The following NLRP2 variants were observed in gnomAD, a reference collection of about 807,000 sequenced individuals.
The protein encoded by NLRP2 is NACHT, LRR and PYD domains-containing protein 2.
In NLRP2, 107 loss-of-function variants were observed where a neutral mutation model predicts 97.2. That is an observed-to-expected ratio of 1.10 (90% CI 0.94 to 1.29). The LOEUF (loss-of-function observed/expected upper bound fraction) is 1.29. Among genes scored for constraint, NLRP2 ranks in the 50% most tolerant of loss-of-function variants. NLRP2 has a pLI of 0.00. For synonymous variants in NLRP2, 663 were observed against 551.5 expected (o/e 1.20, Z -2.83); for missense variants, 1,495 against 1,330.3 (o/e 1.12, Z -1.93).
chr19:54,968,805 G>A (rs930123678), intron 1 of NLRP2, among the ~76,000 whole-genome samples: 11 of 147,240 alleles, frequency 7.5e-5, no homozygotes, highest in African/African-American at 2.3e-4. Flanking sequence ...AGGTTCAAGC[G>A]ATTCTCCTGC....
Position 54,990,208 on chromosome 19 carries a change from CTT to C in NLRP2, c.2537+17_2537+18del. 6.2e-7 allele frequency: 1 copy of C among 1,613,726 alleles called. No homozygotes were observed. Among genetic ancestry groups the C allele is most frequent in the Non-Finnish European group, 8.5e-7 (1 of 1,179,644 alleles). On this transcript the variant is annotated intron_variant, in intron 9 of 12. Coordinates refer to ENST00000448584, the MANE Select transcript of NLRP2 (RefSeq NM_017852.5). ...AGAGGTTGTCGTAAGTCTCTCCTCT[CTT>C]ACAGAGCAGCTGTGCTTTCGATCTG...
Position 54,977,768 on chromosome 19 carries a change from A to G in NLRP2, c.342A>G (p.Glu114=). The stretch of plus-strand genomic sequence containing the variant: ...TTTCTCCAGGGATAACACGGAAAGA[A>G]CGACCACCTCTAGACGTGGACGAAA... ...KPLSLGITRK[E]RPPLDVDEML... Residue 114 remains glutamate (E), a synonymous_variant, in exon 4 of 13, where the codon GAA becomes GAG. Coordinates refer to ENST00000448584, the MANE Select transcript of NLRP2 (RefSeq NM_017852.5). 6.2e-7 allele frequency: 1 copy of G among 1,613,812 alleles called. No individual in the cohort carries two copies. Among genetic ancestry groups the G allele is most frequent in the Non-Finnish European group, 8.5e-7 (1 of 1,180,004 alleles).
At chr19:54,970,403 C>A in intron 2 of NLRP2, 108 bp downstream of exon 2, 1 of 1,360,138 alleles carries the variant, frequency 7.4e-7, no homozygotes, top group Non-Finnish European at 1.0e-6. Flanking sequence ...GTCGTCCCAG[C>A]CCTTTGGGAG....
At chr19:54,998,586 CT>C (rs994099249) in intron 12 of NLRP2, among the ~76,000 whole-genome samples, 8 of 41,854 alleles carry the variant, frequency 1.9e-4, no homozygotes, top group Admixed American at 6.8e-4. Flanking sequence ...CAGTTTTACT[CT>C]TTTTTTTGGG....
intron 2 of NLRP2, chr19:54,973,968 C>G: frequency 9.4e-7 from 1 of 1,060,364 alleles, no homozygotes. Context: ...CAGACTAAGC[C>G]GATTTTCCGG....
chr19:54,997,531 A>G (rs775344564), intron 12 of NLRP2, 44 bp downstream of exon 12: 2 of 1,601,566 alleles, frequency 1.2e-6, no homozygotes, highest in Non-Finnish European at 8.6e-7. Context: ...CCAGAGTGGT[A>G]GGTTTAGGGG....
At chr19:54,974,968 T>G (rs115692238) in intron 3 of NLRP2, among the ~76,000 whole-genome samples, 2 of 151,886 alleles carry the variant, frequency 1.3e-5, no homozygotes, top group African/African-American at 4.8e-5. Context: ...CCCGGCTAAT[T>G]TTTTGTGGTG....
chr19:54,997,636 G>C (rs994387655), intron 12 of NLRP2, 149 bp downstream of exon 12: 9 of 854,664 alleles, frequency 1.1e-5, no homozygotes, highest in Non-Finnish European at 1.5e-5. Context: ...TATTTCACTT[G>C]GAGAAACGGG....
intron 12 of NLRP2, 136 bp from the exon 13 acceptor site, chr19:55,000,624 C>A: frequency 2.4e-6 from 2 of 821,396 alleles, no homozygotes; most frequent in Non-Finnish European, 3.9e-6. Context: ...ATGTGGAACA[C>A]TCCTTTGCCA....
chr19:54,974,635 T>G (rs749335071), intron 3 of NLRP2, 91 bp downstream of exon 3: 2 of 937,984 alleles, frequency 2.1e-6, no homozygotes, highest in Non-Finnish European at 3.5e-6. Flanking sequence ...GCACTAAGAA[T>G]GCAAAGAAAT....
At chr19:54,986,381 A>G (rs2072089620) in intron 8 of NLRP2, 66 bp downstream of exon 8, 3 of 1,483,464 alleles carry the variant, frequency 2.0e-6, no homozygotes, top group Admixed American at 1.7e-5. Context: ...TTATGTGGCA[A>G]TTTTGTGTAA....
Position 54,994,281 on chromosome 19 carries a change from C to T in NLRP2, c.2721C>T (p.Cys907=), listed in dbSNP as rs924936743. The T allele has an allele frequency of 1.1e-5, 18 of 1,613,924 alleles. No homozygotes were observed. Among genetic ancestry groups the T allele is most frequent in the Middle Eastern group, 1.6e-4 (1 of 6,062 alleles). The change falls in exon 11 of 13, where the codon TGC becomes TGT. Residue 907 remains cysteine, a synonymous_variant. Transcript: ENST00000448584. Reference sequence around the variant, plus strand: ...GGTTGATTTCTAGGCTTTGGAACTGCGACATAACTAGCGATGGCTGCTGCG... The same window carrying T: ...GGTTGATTTCTAGGCTTTGGAACTGTGACATAACTAGCGATGGCTGCTGCG... ...CKLQTLVLWN[C]DITSDGCCDL... is the part of the protein sequence containing the mutation.
chr19:54,976,142 G>A (rs551624121), intron 3 of NLRP2, among the ~76,000 whole-genome samples: 18 of 151,520 alleles, frequency 1.2e-4, no homozygotes, highest in African/African-American at 3.9e-4. Context: ...TCTGACCTCC[G>A]CCTCCCGGTT....
chr19:54,984,970 T>TATG, intron 6 of NLRP2, 77 bp from the exon 7 acceptor site: 1 of 1,394,410 alleles, frequency 7.2e-7, no homozygotes, highest in Admixed American at 1.7e-5. Flanking sequence ...GTCAGGGGTA[T>TATG]ATGCCCAGAG....
At chr19:54,989,637 A>G (rs535453949) in intron 8 of NLRP2, 37 of 344,664 alleles carry the variant, frequency 1.1e-4, no homozygotes, top group African/African-American at 6.8e-4. Flanking sequence ...GTCGGGGTAT[A>G]ACACAACCAG....
intron 12 of NLRP2, among the ~76,000 whole-genome samples, chr19:55,000,202 A>G (rs1341845789): frequency 1.4e-5 from 2 of 144,312 alleles, no homozygotes; most frequent in African/African-American, 5.1e-5. Flanking sequence ...GCTTGAACCC[A>G]AGAGGCACAG....
intron 4 of NLRP2, 44 bp downstream of exon 4, chr19:54,977,867 C>T: frequency 1.3e-6 from 2 of 1,567,946 alleles, no homozygotes; most frequent in Admixed American, 1.7e-5. Flanking sequence ...TGAGGAAGCC[C>T]CCCGTTCTTG....
At chr19:54,999,054 CG>C (rs2073032157) in intron 12 of NLRP2, among the ~76,000 whole-genome samples, 1 of 150,422 alleles carries the variant, frequency 6.6e-6, no homozygotes, top group Non-Finnish European at 1.5e-5. Context: ...GGCGGCTGGC[CG>C]GTTAGAGGGG....
chr19:54,993,776 C>T, intron 10 of NLRP2: 1 of 256,566 alleles, frequency 3.9e-6, no homozygotes, highest in Non-Finnish European at 7.6e-6. Flanking sequence ...GGCTGGGGCA[C>T]AAGAATCGCG....
Sources: allele counts gnomAD v4.1 joint callset (sites outside exome capture counted in the v4.1 genomes callset), GRCh38; gene constraint gnomAD v4.1.1; transcripts MANE v1.5; gene names NCBI Gene and HGNC (gene_info 2026-07-23, HGNC 2026-07-21).